Variants in LRRC49 observed in about 807,000 individuals in gnomAD.
LRRC49 encodes leucine-rich repeat-containing protein 49.
Under a neutral mutation model 83.3 loss-of-function variants are expected in LRRC49, and 50 were observed. That is an observed-to-expected ratio of 0.60 (90% CI 0.48 to 0.76). The LOEUF is 0.76. Ranked by LOEUF, LRRC49 falls within the 30% of genes least tolerant of loss-of-function variation. The probability of loss-of-function intolerance (pLI) is 0.00; values close to 1 mark genes in which losing one functional copy is unlikely to be tolerated. For missense variants in LRRC49, 704 were observed against 809.1 expected (o/e 0.87, Z 1.58); for synonymous variants, 286 against 283.3 (o/e 1.01, Z -0.10).
At chr15:70,908,278 CTGAG>C (rs1026259541) in intron 5 of LRRC49, among the ~76,000 whole-genome samples, 14 of 152,276 alleles carry the variant, frequency 9.2e-5, no homozygotes, top group African/African-American at 3.1e-4. Flanking sequence ...GGTGTTGCAA[CTGAG>C]TAAGAGTTTA....
intron 15 of LRRC49, among the ~76,000 whole-genome samples, chr15:71,040,517 C>A (rs147963495): frequency 1.3e-3 from 193 of 152,146 alleles, no homozygotes; most frequent in Non-Finnish European, 2.4e-3. Flanking sequence ...TCTGGCAAGT[C>A]CTTTAAAAGA....
intron 5 of LRRC49, chr15:70,907,601 CTG>C (rs1227367013): frequency 6.0e-6 from 1 of 166,444 alleles, no homozygotes; most frequent in Non-Finnish European, 1.3e-5. Flanking sequence ...CTGGGATTCT[CTG>C]TTTCCTTCCT....
chr15:71,034,366 T>TA (rs373538480), intron 14 of LRRC49, among the ~76,000 whole-genome samples: 5 of 152,132 alleles, frequency 3.3e-5, no homozygotes, highest in South Asian at 2.1e-4. Context: ...TGACGATTAT[T>TA]AAAAAATCTA....
chr15:70,860,219 A>AC, intron 1 of LRRC49: 3 of 634,912 alleles, frequency 4.7e-6, no homozygotes, highest in Non-Finnish European at 8.4e-6. Context: ...AGGGCCCTGG[A>AC]GGAGGCCGCT....
chr15:70,876,036 T>C (rs2033145032), intron 2 of LRRC49, among the ~76,000 whole-genome samples: 1 of 152,194 alleles, frequency 6.6e-6, no homozygotes, highest in African/African-American at 2.4e-5. Context: ...CAGGCTTAAG[T>C]GCATGTTCTT....
chr15:71,002,626 A>G (rs1340908426), intron 11 of LRRC49, among the ~76,000 whole-genome samples: 1 of 152,180 alleles, frequency 6.6e-6, no homozygotes, highest in Non-Finnish European at 1.5e-5. Context: ...AATATAATGC[A>G]TACAATGAAT....
intron 3 of LRRC49, chr15:70,900,608 A>G (rs768838302): frequency 4.7e-5 from 22 of 463,272 alleles, no homozygotes; most frequent in Non-Finnish European, 7.8e-5. Context: ...CATTTTAGTT[A>G]TAGACAGTTA....
intron 11 of LRRC49, among the ~76,000 whole-genome samples, chr15:70,989,632 G>T (rs1438754826): frequency 6.6e-6 from 1 of 152,106 alleles, no homozygotes; most frequent in Non-Finnish European, 1.5e-5. Flanking sequence ...CTTTCAACTC[G>T]TCAAAGTCAT....
rs147169098 is a variant in LRRC49 at position 71,014,786 on chromosome 15, A to G, written c.1703+1873A>G. ...ATTGACAAATTTTTCAGTTATTATA[A>G]TAGTCATTAATATGCTTCTTTCATA... On this transcript the variant is annotated intron_variant, in intron 14 of 15. Coordinates refer to ENST00000260382, the MANE Select transcript of LRRC49 (RefSeq NM_017691.5). 5.8e-3 allele frequency among the ~76,000 whole-genome samples: 881 copies of G among 152,306 alleles called. 25 individuals carry two copies. Among genetic ancestry groups the G allele is most frequent in the Admixed American group, 0.05 (757 of 15,290 alleles).
intron 5 of LRRC49, among the ~76,000 whole-genome samples, chr15:70,910,125 G>A (rs2034490577): frequency 6.6e-6 from 1 of 152,010 alleles, no homozygotes; most frequent in Admixed American, 6.6e-5. Flanking sequence ...TGGTCATAAG[G>A]CAGTGTGGTA....
chr15:70,922,815 T>A (rs1412226394), intron 7 of LRRC49, among the ~76,000 whole-genome samples: 1 of 151,958 alleles, frequency 6.6e-6, no homozygotes, highest in East Asian at 1.9e-4. Flanking sequence ...CCCACAAAAA[T>A]TTAAAATTAA....
chr15:70,999,384 A>C (rs1398644102), intron 11 of LRRC49, among the ~76,000 whole-genome samples: 1 of 151,908 alleles, frequency 6.6e-6, no homozygotes, highest in Non-Finnish European at 1.5e-5. Flanking sequence ...TGAAGACTGT[A>C]TTATTTAGCA....
chr15:70,863,670 G>T (rs561162785), intron 1 of LRRC49, among the ~76,000 whole-genome samples: 1 of 152,234 alleles, frequency 6.6e-6, no homozygotes, highest in African/African-American at 2.4e-5. Context: ...TGTCAGAAAA[G>T]ATGAGTGATT....
intron 2 of LRRC49, chr15:70,895,460 G>C (rs2033792116): frequency 6.4e-6 from 1 of 156,012 alleles, no homozygotes; most frequent in Non-Finnish European, 1.4e-5. Flanking sequence ...GGGATTGGAA[G>C]TGTCTCAGCT....
intron 8 of LRRC49, among the ~76,000 whole-genome samples, chr15:70,951,268 T>A (rs1315757455): frequency 6.6e-6 from 1 of 152,062 alleles, no homozygotes; most frequent in African/African-American, 2.4e-5. Flanking sequence ...CCATATAGAT[T>A]TTTATAATTT....
intron 15 of LRRC49, among the ~76,000 whole-genome samples, chr15:71,047,756 G>A (rs1023336745): frequency 1.3e-5 from 2 of 151,968 alleles, no homozygotes; most frequent in African/African-American, 4.8e-5. Flanking sequence ...TGATTTTTAG[G>A]ATTTCATTTG....
At chr15:70,873,575 A>C (rs2033094837) in intron 2 of LRRC49, among the ~76,000 whole-genome samples, 1 of 152,172 alleles carries the variant, frequency 6.6e-6, no homozygotes, top group Non-Finnish European at 1.5e-5. Context: ...TTCTCTGGTC[A>C]GCTGGCATGT....
chr15:71,006,817 G>A (rs981394423), intron 11 of LRRC49, among the ~76,000 whole-genome samples: 5 of 151,998 alleles, frequency 3.3e-5, no homozygotes, highest in African/African-American at 1.2e-4. Flanking sequence ...TTGTTTTAGT[G>A]GCAGTGAAGC....
intron 3 of LRRC49, among the ~76,000 whole-genome samples, chr15:70,899,398 T>C (rs1720407548): frequency 6.6e-6 from 1 of 152,164 alleles, no homozygotes; most frequent in South Asian, 2.1e-4. Context: ...TGTTTTTGTT[T>C]TTTTAACCAT....
Sources: allele counts gnomAD v4.1 joint callset (sites outside exome capture counted in the v4.1 genomes callset), GRCh38; gene constraint gnomAD v4.1.1; transcripts MANE v1.5; gene names NCBI Gene and HGNC (gene_info 2026-07-23, HGNC 2026-07-21).